NRG3: variants seen among roughly 807,000 people sequenced by gnomAD.
NRG3 encodes the protein pro-neuregulin-3, membrane-bound isoform.
NRG3 carries 31 observed loss-of-function variants against 66.9 expected under a neutral mutation model. The ratio of observed to expected loss-of-function variants is 0.46; its 90% confidence interval spans 0.35 to 0.63. The LOEUF (loss-of-function observed/expected upper bound fraction) is 0.63. Among genes scored for constraint, NRG3 ranks in the 20% least tolerant of loss-of-function variants. NRG3 has a pLI of 0.00. For missense variants in NRG3, 910 were observed against 878.9 expected (o/e 1.04, Z -0.45); for synonymous variants, 393 against 359.4 (o/e 1.09, Z -1.06).
chr10:82,764,358 A>G (rs906445997), intron 3 of NRG3, among the ~76,000 whole-genome samples: 2 of 147,700 alleles, frequency 1.4e-5, no homozygotes, highest in Admixed American at 1.4e-4. Flanking sequence ...CTATTAAACC[A>G]CATTGCCCTA....
At chr10:82,362,333 ATGTGTGTGTGTG>A (rs56996997) in intron 2 of NRG3, among the ~76,000 whole-genome samples, 14,227 of 135,794 alleles carry the variant, frequency 0.1, 744 homozygotes, top group East Asian at 0.14. Context: ...GTATATATAT[ATGTGTGTGTGTG>A]TGTGTGTGTG....
At chr10:82,499,793 G>A (rs1843979664) in intron 2 of NRG3, among the ~76,000 whole-genome samples, 1 of 152,078 alleles carries the variant, frequency 6.6e-6, no homozygotes, top group African/African-American at 2.4e-5. Flanking sequence ...TATATACAGG[G>A]CAAACTAGAG....
At chr10:82,625,641 G>A (rs1223506308) in intron 2 of NRG3, among the ~76,000 whole-genome samples, 2 of 152,122 alleles carry the variant, frequency 1.3e-5, no homozygotes, top group Non-Finnish European at 2.9e-5. Flanking sequence ...GATGTAAATG[G>A]TAGAGTTCTG....
intron 1 of NRG3, among the ~76,000 whole-genome samples, chr10:82,109,846 TCA>T (rs147546730): frequency 0.034 from 5,125 of 152,232 alleles, 125 homozygotes; most frequent in Non-Finnish European, 0.049. Context: ...GAACACAGTT[TCA>T]CAGTTTGACC....
intron 1 of NRG3, among the ~76,000 whole-genome samples, chr10:82,055,940 C>T (rs1161301119): frequency 6.6e-6 from 1 of 152,086 alleles, no homozygotes; most frequent in Non-Finnish European, 1.5e-5. Context: ...ATAAGAAGCA[C>T]AGGTCATTCA....
intron 1 of NRG3, among the ~76,000 whole-genome samples, chr10:82,017,875 C>G (rs1323539905): frequency 1.3e-5 from 2 of 152,092 alleles, no homozygotes; most frequent in Non-Finnish European, 2.9e-5. Context: ...AAAATTTTCT[C>G]CCATTCTGTA....
intron 1 of NRG3, among the ~76,000 whole-genome samples, chr10:81,948,208 A>G (rs1589560964): frequency 6.6e-6 from 1 of 152,264 alleles, no homozygotes; most frequent in Non-Finnish European, 1.5e-5. Flanking sequence ...TTTTTTTAAG[A>G]TGATTTTTAG....
intron 7 of NRG3, 50 bp downstream of exon 7, chr10:82,973,965 T>C (rs1440013550): frequency 1.9e-6 from 3 of 1,606,004 alleles, no homozygotes; most frequent in African/African-American, 1.3e-5. Flanking sequence ...ACTGTGTGTA[T>C]GCTGGGTGGC....
At chr10:82,079,259 G>T (rs1004127974) in intron 1 of NRG3, among the ~76,000 whole-genome samples, 1 of 151,820 alleles carries the variant, frequency 6.6e-6, no homozygotes, top group Non-Finnish European at 1.5e-5. Flanking sequence ...TGGCCAGGCT[G>T]GTCTCGAACT....
chr10:82,936,027 A>G (rs1279772799), intron 4 of NRG3, among the ~76,000 whole-genome samples: 4 of 152,220 alleles, frequency 2.6e-5, no homozygotes, highest in African/African-American at 4.8e-5. Context: ...AGCAGTGTAT[A>G]CAGGGGTATG....
In NRG3 at chr10:82,488,045, A is replaced by G. The variant is rs1013026249; in HGVS notation, c.953+129177A>G. Among the ~76,000 whole-genome samples, 6 of 152,218 alleles carry G rather than the reference A, an allele frequency of 3.9e-5. No individual in the cohort carries two copies. The East Asian group carries it at 9.6e-4, about 24-fold the overall frequency. Reference sequence around the variant, plus strand: ...AGGCTATTGAAAATAAGAAAATTTAATTAAAATGGTGTGAATTCATTTAAA... The same window carrying G: ...AGGCTATTGAAAATAAGAAAATTTAGTTAAAATGGTGTGAATTCATTTAAA... On this transcript the variant is annotated intron_variant, in intron 2 of 8. Transcript: ENST00000372141.
intron 1 of NRG3, among the ~76,000 whole-genome samples, chr10:82,198,246 G>T (rs1332539121): frequency 2.0e-5 from 3 of 152,150 alleles, no homozygotes; most frequent in African/African-American, 7.2e-5. Flanking sequence ...GGAAGAAAAA[G>T]ATATATAAAC....
In NRG3 at chr10:81,896,660, CTT is replaced by C. The variant is rs11384260; in HGVS notation, c.823+20509_823+20510del. 5.1e-3 allele frequency among the ~76,000 whole-genome samples: 709 copies of C among 140,274 alleles called. 8 individuals are homozygous for C. Among genetic ancestry groups the C allele is most frequent in the African/African-American group, 0.017 (672 of 39,078 alleles). The allele number at this position is 140,274 out of a possible 152,430, so 92.0% of individuals were successfully genotyped here. ...ATCTCCAGAGGATGAGAATCTAGGG[CTT>C]TTTTTTTTTTTGGTTTTCTTTAAAG... On this transcript the variant is annotated intron_variant, in intron 1 of 8. Coordinates refer to ENST00000372141, the MANE Select transcript of NRG3 (RefSeq NM_001010848.4).
chr10:82,488,384 T>C (rs1564981021), intron 2 of NRG3, among the ~76,000 whole-genome samples: 1 of 152,200 alleles, frequency 6.6e-6, no homozygotes, highest in East Asian at 1.9e-4. Flanking sequence ...GAACTTAGAA[T>C]GAGGCCTCCA....
chr10:82,200,344 A>G (rs1290164522), intron 1 of NRG3, among the ~76,000 whole-genome samples: 1 of 152,162 alleles, frequency 6.6e-6, no homozygotes, highest in Non-Finnish European at 1.5e-5. Context: ...CTCCTAATAA[A>G]TAGTGCCTAC....
intron 2 of NRG3, among the ~76,000 whole-genome samples, chr10:82,417,780 C>G (rs929542475): frequency 6.6e-6 from 1 of 152,262 alleles, no homozygotes; most frequent in Admixed American, 6.5e-5. Flanking sequence ...CCAGCCTCAG[C>G]GAGCAAGGGA....
At chr10:82,502,296 G>C (rs1844270635) in intron 2 of NRG3, among the ~76,000 whole-genome samples, 1 of 152,128 alleles carries the variant, frequency 6.6e-6, no homozygotes, top group African/African-American at 2.4e-5. Context: ...GTGTGAACCT[G>C]TTCAGGTCAG....
chr10:81,925,558 G>T (rs1379768737), intron 1 of NRG3, among the ~76,000 whole-genome samples: 3 of 152,108 alleles, frequency 2.0e-5, no homozygotes, highest in African/African-American at 7.2e-5. Flanking sequence ...GTGCAAATTG[G>T]AATTAATTAT....
intron 2 of NRG3, among the ~76,000 whole-genome samples, chr10:82,405,588 C>T (rs1177161447): frequency 6.6e-6 from 1 of 151,554 alleles, no homozygotes; most frequent in Admixed American, 6.6e-5. Context: ...TCCTGATGCA[C>T]ACCTGAGTAG....
Sources: gnomAD v4.1 joint callset for allele counts (sites outside exome capture counted in the v4.1 genomes callset) on GRCh38, gnomAD v4.1.1 for gene constraint, MANE v1.5 for transcripts, NCBI Gene and HGNC (gene_info 2026-07-23, HGNC 2026-07-21) for gene names.